The following ANO2 variants were observed in gnomAD, a reference collection of about 807,000 sequenced individuals.
ANO2 encodes anoctamin 2, also known as anoctamin-2.
ANO2 carries 101 observed loss-of-function variants against 124.2 expected under a neutral mutation model. The observed-to-expected ratio is 0.81, with a 90% CI of 0.69 to 0.96. The LOEUF (loss-of-function observed/expected upper bound fraction) is 0.96, where lower values mean the gene tolerates loss of function less well. Ranked by LOEUF, ANO2 falls within the 40% of genes least tolerant of loss-of-function variation. ANO2 has a pLI of 0.00. For synonymous variants in ANO2, 486 were observed against 482.5 expected, an observed-to-expected ratio of 1.01 and a Z score of -0.09; for missense variants, 1,293 against 1,274.5, an observed-to-expected ratio of 1.01 and a Z score of -0.22.
chr12:5,751,050 A>G, intron 10 of ANO2, 80 bp from the exon 11 acceptor site: 1 of 1,384,266 alleles, frequency 7.2e-7, no homozygotes, highest in East Asian at 2.5e-5. Context: ...TCTATGCCTA[A>G]GGGTGGGTCA....
rs79756808 is a variant in ANO2 at position 5,660,981 on chromosome 12, T to C, written c.1546-13180A>G. On this transcript the variant is annotated intron_variant, in intron 14 of 24. Transcript: ENST00000682330. The stretch of plus-strand genomic sequence containing the variant: ...CCGAAGGAAAAATGCAAAAGGTTCA[T>C]AGCAACCTCTCAACAGTTTGAGAAA... Among the ~76,000 whole-genome samples the C allele has an allele frequency of 6.1e-4, 93 of 152,352 alleles. 1 individual carries two copies. Among genetic ancestry groups the C allele is most frequent in the African/African-American group, 2.2e-3 (92 of 41,586 alleles).
intron 7 of ANO2, among the ~76,000 whole-genome samples, chr12:5,812,743 A>C (rs576103275): frequency 1.6e-4 from 6 of 37,946 alleles, no homozygotes; most frequent in Non-Finnish European, 2.9e-4. Flanking sequence ...GCAAGAGGGA[A>C]GGGAGGAGGG....
chr12:5,806,023 G>T (rs1953179406), intron 9 of ANO2, 29 bp downstream of exon 9: 3 of 1,611,978 alleles, frequency 1.9e-6, no homozygotes, highest in Non-Finnish European at 2.5e-6. Flanking sequence ...CATGCCCAAA[G>T]TCCAGGATGC....
At chr12:5,852,975 G>C (rs555347371) in intron 4 of ANO2, among the ~76,000 whole-genome samples, 1 of 151,790 alleles carries the variant, frequency 6.6e-6, no homozygotes, top group Non-Finnish European at 1.5e-5. Flanking sequence ...GGTTAAACTA[G>C]AGTGCCATCT....
rs1241439324 is a variant in ANO2, at chr12:5,562,693, T to C, written c.*606A>G. 1 of 152,486 alleles carries C rather than the reference T, an allele frequency of 6.6e-6. No individual in the cohort carries two copies. The highest frequency in any genetic ancestry group is 1.5e-5 in the Non-Finnish European group (1 of 68,260). 9.4% of individuals were successfully genotyped at this position (152,486 alleles called of 1,614,324 possible). A position where few individuals can be genotyped will look rare whatever the true frequency, so the allele number is the denominator to read the frequency against. On this transcript the variant is annotated 3_prime_UTR_variant, in exon 25 of 25. Transcript: ENST00000682330. ...TGTCCATTTATTTTATTATTTTAAA[T>C]CTGAACTTTCATAAAATGATGGTTA...
At chr12:5,883,502 GGTGTGTGTGTGT>G (rs5796191) in intron 3 of ANO2, among the ~76,000 whole-genome samples, 21 of 144,690 alleles carry the variant, frequency 1.5e-4, no homozygotes, top group East Asian at 4.1e-4. Flanking sequence ...ACATTAGGGT[GGTGTGTGTGTGT>G]GTGTGTGTGT....
At chr12:5,873,646 C>G (rs1056758571) in intron 3 of ANO2, among the ~76,000 whole-genome samples, 4 of 152,222 alleles carry the variant, frequency 2.6e-5, no homozygotes, top group African/African-American at 7.2e-5. Flanking sequence ...GCAGTCTTTC[C>G]GTCAACACGT....
intron 4 of ANO2, among the ~76,000 whole-genome samples, chr12:5,837,835 TAGC>T (rs994696152): frequency 1.1e-4 from 17 of 151,688 alleles, no homozygotes; most frequent in Non-Finnish European, 1.9e-4. Flanking sequence ...ATTCAGAAGC[TAGC>T]AGAAGGCAAG....
intron 7 of ANO2, among the ~76,000 whole-genome samples, chr12:5,821,998 T>C (rs1953815077): frequency 6.6e-6 from 1 of 152,102 alleles, no homozygotes; most frequent in Non-Finnish European, 1.5e-5. Flanking sequence ...AAGAGAAGAC[T>C]CAGGCCTGGT....
intron 14 of ANO2, among the ~76,000 whole-genome samples, chr12:5,730,024 C>A (rs903455073): frequency 6.6e-6 from 1 of 151,882 alleles, no homozygotes; most frequent in Non-Finnish European, 1.5e-5. Context: ...GTTTCTTTTT[C>A]GGATAATAAA....
chr12:5,799,424 CTG>C, intron 10 of ANO2, 81 bp downstream of exon 10: 1 of 1,168,144 alleles, frequency 8.6e-7, no homozygotes, highest in Non-Finnish European at 1.3e-6. Flanking sequence ...GAGCAAAGGA[CTG>C]TCAGAGTCAA....
At chr12:5,806,862 C>T (rs1953211923) in intron 8 of ANO2, among the ~76,000 whole-genome samples, 1 of 152,134 alleles carries the variant, frequency 6.6e-6, no homozygotes, top group Non-Finnish European at 1.5e-5. Context: ...TTCACATCTG[C>T]ACAAAACTCT....
intron 14 of ANO2, among the ~76,000 whole-genome samples, chr12:5,651,764 C>T (rs1019239471): frequency 6.6e-6 from 1 of 152,128 alleles, no homozygotes; most frequent in African/African-American, 2.4e-5. Context: ...TCCCCCAATC[C>T]CCAGAACCTG....
At chr12:5,831,703 G>A (rs775049432) in intron 5 of ANO2, among the ~76,000 whole-genome samples, 1 of 152,160 alleles carries the variant, frequency 6.6e-6, no homozygotes, top group Non-Finnish European at 1.5e-5. Context: ...GGTCTCTTAT[G>A]GACAGCAGAA....
chr12:5,631,348 G>A (rs114501313), intron 16 of ANO2, among the ~76,000 whole-genome samples: 2,235 of 152,232 alleles, frequency 0.015, 45 homozygotes, highest in African/African-American at 0.05. Context: ...CTGGGTCTCA[G>A]CTATAAAGCT....
At chr12:5,771,581 A>C (rs1421891546) in intron 10 of ANO2, among the ~76,000 whole-genome samples, 4 of 152,158 alleles carry the variant, frequency 2.6e-5, no homozygotes, top group Non-Finnish European at 4.4e-5. Context: ...AGATTTCAAG[A>C]CCAGCCTGGC....
chr12:5,632,275 C>T (rs1246592153), intron 16 of ANO2, among the ~76,000 whole-genome samples: 4 of 151,874 alleles, frequency 2.6e-5, no homozygotes, highest in African/African-American at 7.3e-5. Context: ...CCCAACACAC[C>T]ACTTCAGTAC....
intron 14 of ANO2, among the ~76,000 whole-genome samples, chr12:5,730,127 T>A (rs1029701677): frequency 3.3e-5 from 5 of 152,130 alleles, no homozygotes; most frequent in African/African-American, 9.6e-5. Flanking sequence ...TGTGCATATA[T>A]AAAAATATGC....
chr12:5,837,434 G>A (rs766700393), intron 4 of ANO2, among the ~76,000 whole-genome samples: 1 of 143,718 alleles, frequency 7.0e-6, no homozygotes, highest in Non-Finnish European at 1.5e-5. Context: ...CCACTAACTC[G>A]TCATCTAGCA....
Sources: allele counts gnomAD v4.1 joint callset (sites outside exome capture counted in the v4.1 genomes callset), GRCh38; gene constraint gnomAD v4.1.1; transcripts MANE v1.5; gene names NCBI Gene and HGNC (gene_info 2026-07-23, HGNC 2026-07-21).